The following PRKN variants were observed in gnomAD, a reference collection of about 807,000 sequenced individuals.
PRKN encodes the protein E3 ubiquitin-protein ligase parkin.
A neutral mutation model predicts 59.5 loss-of-function variants in PRKN; 56 were observed. That is an observed-to-expected ratio of 0.94 (90% CI 0.76 to 1.18). PRKN has a LOEUF of 1.18. Among genes scored for constraint, PRKN ranks in the 50% most tolerant of loss-of-function variants. The pLI is 0.00. For missense variants in PRKN, 657 were observed against 596.4 expected (o/e 1.10, Z -1.06); for synonymous variants, 250 against 222.1 (o/e 1.13, Z -1.12).
chr6:161,900,554 T>TTTATATGTTATATATTATGTAATATA, intron 6 of PRKN, among the ~76,000 whole-genome samples: 1 of 60,222 alleles, frequency 1.7e-5, no homozygotes, highest in South Asian at 5.8e-4. Context: ...ATATACATAT[T>TTTATATGTTATATATTATGTAATATA]TTATATGTTA....
intron 4 of PRKN, among the ~76,000 whole-genome samples, chr6:162,077,843 T>A (rs561886212): frequency 1.3e-5 from 2 of 151,654 alleles, no homozygotes; most frequent in Admixed American, 6.6e-5. Context: ...CTACTAAAAA[T>A]ACAAAAATTA....
In PRKN at chr6:161,579,316, G is replaced by A. The variant is rs1337612489; in HGVS notation, c.872-9900C>T. Among the ~76,000 whole-genome samples, 1 of 152,164 alleles carries A rather than the reference G, an allele frequency of 6.6e-6. No homozygotes were observed. Among genetic ancestry groups the A allele is most frequent in the Admixed American group, 6.5e-5 (1 of 15,276 alleles). ...GTAACCAAAAAGGGCACTTAGGTTA[G>A]GCACATCCCTGTCAGATAAGGCCTA... On this transcript the variant is annotated intron_variant, in intron 7 of 11. Coordinates refer to ENST00000366898, the MANE Select transcript of PRKN (RefSeq NM_004562.3). The surrounding 1 kb of genome is among the most constrained non-coding windows in gnomAD (Gnocchi z 4.2).
chr6:161,831,323 G>T (rs970169496), intron 6 of PRKN, among the ~76,000 whole-genome samples: 2 of 152,214 alleles, frequency 1.3e-5, no homozygotes, highest in Non-Finnish European at 2.9e-5. Flanking sequence ...GCTGTAATTT[G>T]TCCAGATGTA....
intron 9 of PRKN, among the ~76,000 whole-genome samples, chr6:161,415,637 A>G (rs1412830581): frequency 1.1e-5 from 1 of 89,320 alleles, no homozygotes; most frequent in African/African-American, 4.2e-5. Flanking sequence ...ACCGCCCGGA[A>G]CTAAGCCACA....
At chr6:162,483,379 T>G (rs1792390686) in intron 1 of PRKN, among the ~76,000 whole-genome samples, 1 of 152,114 alleles carries the variant, frequency 6.6e-6, no homozygotes. Flanking sequence ...CATAGAACTG[T>G]GCACCAAAAA....
intron 1 of PRKN, among the ~76,000 whole-genome samples, chr6:162,579,578 T>C (rs547633303): frequency 1.3e-5 from 2 of 151,610 alleles, no homozygotes; most frequent in Non-Finnish European, 2.9e-5. Flanking sequence ...CAGATTTACA[T>C]ACACAAGTTC....
At chr6:162,134,582 T>C (rs1781496639) in intron 4 of PRKN, among the ~76,000 whole-genome samples, 1 of 152,076 alleles carries the variant, frequency 6.6e-6, no homozygotes, top group Non-Finnish European at 1.5e-5. Flanking sequence ...TGAGTAGGAA[T>C]AAATGAAGGC....
At chr6:161,975,464 T>C (rs888231140) in intron 5 of PRKN, among the ~76,000 whole-genome samples, 2 of 152,220 alleles carry the variant, frequency 1.3e-5, no homozygotes, top group South Asian at 2.1e-4. Flanking sequence ...ATTTAATAAA[T>C]GCTATATGTT....
intron 3 of PRKN, among the ~76,000 whole-genome samples, chr6:162,251,590 T>G (rs559797409): frequency 6.6e-6 from 1 of 152,308 alleles, no homozygotes; most frequent in Non-Finnish European, 1.5e-5. Flanking sequence ...AGAAAGTTCA[T>G]ATAAACCAAA....
rs1432583343 is a variant in PRKN at position 161,462,692 on chromosome 6, CT to C, written c.1084-75816del. On this transcript the variant is annotated intron_variant, in intron 9 of 11. Coordinates refer to ENST00000366898, the MANE Select transcript of PRKN (RefSeq NM_004562.3). The surrounding 1 kb of genome is among the most constrained non-coding windows in gnomAD (Gnocchi z 4.5). ...AGAGGTTAACTTGCTGAAAAATAAG[CT>C]GAATTCGTTGGGAATTGCTGCTAAA... 2.6e-5 allele frequency among the ~76,000 whole-genome samples: 4 copies of C among 152,098 alleles called. No homozygotes were observed. The East Asian group carries it at 5.8e-4, about 22-fold the overall frequency.
intron 7 of PRKN, among the ~76,000 whole-genome samples, chr6:161,615,613 A>T (rs1782663813): frequency 6.6e-6 from 1 of 152,258 alleles, no homozygotes; most frequent in Non-Finnish European, 1.5e-5. Context: ...AGGCTGTGGC[A>T]GCAACGTGGG....
chr6:161,967,032 A>G (rs1258397727), intron 6 of PRKN, among the ~76,000 whole-genome samples: 1 of 152,080 alleles, frequency 6.6e-6, no homozygotes, highest in Non-Finnish European at 1.5e-5. Flanking sequence ...GGGTTTCACT[A>G]TGTTGGCCAG....
chr6:162,231,018 G>A (rs1778400120), intron 3 of PRKN, among the ~76,000 whole-genome samples: 1 of 152,152 alleles, frequency 6.6e-6, no homozygotes, highest in Admixed American at 6.6e-5. Flanking sequence ...AAATGCTGGA[G>A]GTGCTGAAGG....
At chr6:162,406,607 G>GA (rs1427260827) in intron 2 of PRKN, among the ~76,000 whole-genome samples, 1 of 152,154 alleles carries the variant, frequency 6.6e-6, no homozygotes, top group Non-Finnish European at 1.5e-5. Flanking sequence ...CATGTGGTGT[G>GA]AGAGTCACTC....
At chr6:162,092,261 A>G (rs1369983179) in intron 4 of PRKN, among the ~76,000 whole-genome samples, 1 of 152,178 alleles carries the variant, frequency 6.6e-6, no homozygotes, top group Non-Finnish European at 1.5e-5. Flanking sequence ...AGGCTGAGGC[A>G]GGAGAATCAC....
chr6:161,449,470 T>C (rs921092083), intron 9 of PRKN, among the ~76,000 whole-genome samples: 4 of 152,216 alleles, frequency 2.6e-5, no homozygotes, highest in Admixed American at 2.6e-4. Flanking sequence ...AAGGTAACTC[T>C]GAACGTACTC....
intron 4 of PRKN, among the ~76,000 whole-genome samples, chr6:162,189,272 T>C (rs1784166338): frequency 1.3e-5 from 2 of 151,620 alleles, no homozygotes; most frequent in Non-Finnish European, 2.9e-5. Context: ...GGAATTGAGA[T>C]TAGACAACTG....
At chr6:162,273,394 A>G (rs1026111971) in intron 2 of PRKN, among the ~76,000 whole-genome samples, 5 of 152,190 alleles carry the variant, frequency 3.3e-5, no homozygotes, top group Admixed American at 6.6e-5. Context: ...GAAAATTACC[A>G]GAAACATATT....
At chr6:161,658,030 A>AAAAAAAAGAAG (rs781518268) in intron 7 of PRKN, among the ~76,000 whole-genome samples, 1 of 104,880 alleles carries the variant, frequency 9.5e-6, no homozygotes, top group Non-Finnish European at 1.9e-5. Context: ...AAAAAAAAAA[A>AAAAAAAAGAAG]AAAAGAAAAG....
Sources: gnomAD v4.1 joint callset for allele counts (sites outside exome capture counted in the v4.1 genomes callset) on GRCh38, gnomAD v4.1.1 for gene constraint, Gnocchi (gnomAD v3.1) non-coding constraint, MANE v1.5 for transcripts, NCBI Gene and HGNC (gene_info 2026-07-23, HGNC 2026-07-21) for gene names.